Variants in MROH7 observed in about 807,000 individuals in gnomAD.
MROH7 encodes the protein maestro heat-like repeat-containing protein family member 7.
A neutral mutation model predicts 129.2 loss-of-function variants in MROH7; 113 were observed. The ratio of observed to expected loss-of-function variants is 0.87; its 90% CI spans 0.75 to 1.02. The LOEUF (loss-of-function observed/expected upper bound fraction) is 1.02, where lower values mean the gene tolerates loss of function less well. Among genes scored for constraint, MROH7 ranks in the 50% least tolerant of loss-of-function variants. The probability of loss-of-function intolerance (pLI) is 0.00; values close to 1 mark genes in which losing one functional copy is unlikely to be tolerated. For synonymous variants in MROH7, 655 were observed against 667.9 expected, an observed-to-expected ratio of 0.98 and a Z score of 0.30; for missense variants, 1,601 against 1,671.3, an observed-to-expected ratio of 0.96 and a Z score of 0.73.
rs17399810 is a variant in MROH7, at chr1:54,653,861, C to T, written c.935C>T (p.Ser312Phe). ...PGSSYGISLHSSTHEPNSTIS... is the reference protein window; with the variant it reads ...PGSSYGISLHFSTHEPNSTIS... ...TCCAGCTATGGTATCAGCCTGCACT[C>T]CAGCACCCATGAGCCCAACTCCACC... The change falls in exon 3 of 24, where the codon TCC becomes TTC. Residue 312 changes from serine to phenylalanine, a missense_variant. Transcript: ENST00000421030. 350,268 of 1,613,874 alleles carry T rather than the reference C, an allele frequency of 0.22. 40,924 individuals carry two copies. Among genetic ancestry groups the T allele is most frequent in the Non-Finnish European group, 0.25 (290,303 of 1,179,876 alleles).
At chr1:54,667,912 T>C (rs186530162) in intron 4 of MROH7, among the ~76,000 whole-genome samples, 1 of 152,354 alleles carries the variant, frequency 6.6e-6, no homozygotes, top group East Asian at 1.9e-4. Context: ...ACTGCATCAC[T>C]GCATTCCAGC....
At chr1:54,697,646 T>C (rs1307502198) in intron 17 of MROH7, 2 of 703,004 alleles carry the variant, frequency 2.8e-6, no homozygotes, top group Non-Finnish European at 2.6e-6. Context: ...TTCACTAATC[T>C]GCACAGCAAC....
chr1:54,676,849 C>T (rs186678699), intron 10 of MROH7, among the ~76,000 whole-genome samples: 84 of 152,148 alleles, frequency 5.5e-4, no homozygotes, highest in African/African-American at 1.9e-3. Flanking sequence ...GCTGGGATTA[C>T]AGGCATGCAC....
chr1:54,706,320 G>A, intron 21 of MROH7, 115 bp from the exon 22 acceptor site: 1 of 735,994 alleles, frequency 1.4e-6, no homozygotes, highest in South Asian at 1.6e-5. Flanking sequence ...TGCAGAGGGA[G>A]CAGATATATT....
chr1:54,653,636 A>T lies in MROH7; in HGVS notation c.710A>T (p.His237Leu). 6.2e-7 allele frequency: 1 copy of T among 1,613,264 alleles called. No individual in the cohort carries two copies. Among genetic ancestry groups the T allele is most frequent in the South Asian group, 1.1e-5 (1 of 91,054 alleles). The part of the protein sequence containing the change: ...KLNLNVAPDS[H>L]GTLIPDTNET... Reference sequence around the variant, plus strand: ...AACCTGAATGTAGCTCCAGATTCTCATGGGACCCTAATCCCAGACACAAAT... The same window carrying T: ...AACCTGAATGTAGCTCCAGATTCTCTTGGGACCCTAATCCCAGACACAAAT... The change falls in exon 3 of 24, where the codon CAT becomes CTT. Residue 237 changes from histidine to leucine, a missense_variant. Coordinates refer to ENST00000421030, the MANE Select transcript of MROH7 (RefSeq NM_001039464.4).
At chr1:54,689,241 A>G (rs1645196667) in intron 15 of MROH7, among the ~76,000 whole-genome samples, 1 of 152,230 alleles carries the variant, frequency 6.6e-6, no homozygotes, top group Admixed American at 6.5e-5. Context: ...GAGAAGGCTG[A>G]TGAAGACAAA....
At chr1:54,696,049 A>G (rs545630358) in intron 17 of MROH7, among the ~76,000 whole-genome samples, 1 of 152,288 alleles carries the variant, frequency 6.6e-6, no homozygotes, top group South Asian at 2.1e-4. Context: ...GAGACTTGCT[A>G]ATAATAACAG....
At chr1:54,694,607 C>T (rs1293523479) in intron 16 of MROH7, among the ~76,000 whole-genome samples, 1 of 152,190 alleles carries the variant, frequency 6.6e-6, no homozygotes, top group Admixed American at 6.5e-5. Flanking sequence ...GCTAGGATTT[C>T]AGGCATGCGC....
Position 54,692,528 on chromosome 1 carries a change from A to T in MROH7, c.2816A>T (p.Glu939Val). 1 of 1,612,422 alleles carries T rather than the reference A, an allele frequency of 6.2e-7. No homozygotes were observed. The highest frequency in any genetic ancestry group is 1.1e-5 in the South Asian group (1 of 91,032). ...QGGWELMEQVESHHRGVALLA... is the reference protein window; with the variant it reads ...QGGWELMEQVVSHHRGVALLA... Reference sequence around the variant, plus strand: ...GGCTGGGAGCTCATGGAGCAGGTGGAGAGCCACCACCGCGGAGTGGCCTTG... The same window carrying T: ...GGCTGGGAGCTCATGGAGCAGGTGGTGAGCCACCACCGCGGAGTGGCCTTG... The change falls in exon 16 of 24, where the codon GAG becomes GTG. Residue 939 changes from glutamate to valine, a missense_variant. By Grantham distance (121) the Glu-to-Val change is moderately radical. Transcript: ENST00000421030.
chr1:54,678,813 A>G lies in MROH7; in HGVS notation c.2008A>G (p.Asn670Asp), dbSNP rs764464094. ...CAACAAGCATTTCCTGGGGCCCTAC[A>G]ACCCTGTGAGCCCGTGCCAGAACAT... ...ESNKHFLGPYNPVSPCQNILR... is the reference protein window; with the variant it reads ...ESNKHFLGPYDPVSPCQNILR... The change falls in exon 11 of 24, where the codon AAC becomes GAC. Residue 670 changes from asparagine to aspartate, a missense_variant. Transcript: ENST00000421030. The G allele has an allele frequency of 5.6e-6, 9 of 1,613,716 alleles. No homozygotes were observed. The highest frequency in any genetic ancestry group is 7.6e-6 in the Non-Finnish European group (9 of 1,179,910).
intron 15 of MROH7, among the ~76,000 whole-genome samples, chr1:54,688,095 C>T (rs1413606487): frequency 2.6e-5 from 4 of 151,202 alleles, no homozygotes; most frequent in Non-Finnish European, 5.9e-5. Flanking sequence ...TGGTGGGTGC[C>T]TATAATCCCA....
chr1:54,682,355 A>G (rs972295749), intron 13 of MROH7, among the ~76,000 whole-genome samples: 7 of 151,564 alleles, frequency 4.6e-5, no homozygotes, highest in African/African-American at 1.5e-4. Flanking sequence ...ATTAGTAGAG[A>G]CGGGGTTTCA....
rs190971587 is a variant in MROH7, at chr1:54,684,900, T to C, written c.2521-1358T>C. Among the ~76,000 whole-genome samples, 10 of 152,376 alleles carry C rather than the reference T, an allele frequency of 6.6e-5. No homozygotes were observed. The East Asian group carries it at 1.9e-3, about 29-fold the overall frequency. ...AGTGCAAATTAACTGCCATTTATTG[T>C]TCTCATTCAGCCCATGTTAGGTCAC... is the stretch of plus-strand genomic sequence containing the variant. On this transcript the variant is annotated intron_variant, in intron 14 of 23. Coordinates refer to ENST00000421030, the MANE Select transcript of MROH7 (RefSeq NM_001039464.4).
chr1:54,696,153 G>GAT (rs1645318715), intron 17 of MROH7, among the ~76,000 whole-genome samples: 1 of 152,160 alleles, frequency 6.6e-6, no homozygotes, highest in South Asian at 2.1e-4. Flanking sequence ...TTATGACGCA[G>GAT]ATACTATTCC....
chr1:54,671,477 T>C (rs1202295323), intron 7 of MROH7, among the ~76,000 whole-genome samples: 5 of 152,274 alleles, frequency 3.3e-5, no homozygotes, highest in African/African-American at 1.2e-4. Flanking sequence ...CAGATGACGG[T>C]ATGGCCAGGG....
At chr1:54,663,109 T>C (rs549895482) in intron 3 of MROH7, among the ~76,000 whole-genome samples, 62 of 152,300 alleles carry the variant, frequency 4.1e-4, no homozygotes, top group African/African-American at 1.4e-3. Context: ...GAAGTCAATA[T>C]TTACCCCTTT....
chr1:54,654,287 C>T (rs1286030679), intron 3 of MROH7, 130 bp downstream of exon 3: 1 of 907,310 alleles, frequency 1.1e-6, no homozygotes, highest in Non-Finnish European at 1.6e-6. Flanking sequence ...TTTATTAATT[C>T]TATACTAGAC....
chr1:54,678,993 G>T, intron 11 of MROH7, 139 bp downstream of exon 11: 1 of 722,838 alleles, frequency 1.4e-6, no homozygotes, highest in Non-Finnish European at 2.4e-6. Flanking sequence ...TGTCCTGAGT[G>T]CCCTCCTCCT....
chr1:54,670,636 T>G, intron 6 of MROH7, 60 bp downstream of exon 6: 1 of 1,529,898 alleles, frequency 6.5e-7, no homozygotes, highest in Non-Finnish European at 8.9e-7. Flanking sequence ...CACTTCTGCC[T>G]CCCTCCATCT....
Sources: allele counts gnomAD v4.1 joint callset (sites outside exome capture counted in the v4.1 genomes callset), GRCh38; gene constraint gnomAD v4.1.1; transcripts MANE v1.5; gene names NCBI Gene and HGNC (gene_info 2026-07-23, HGNC 2026-07-21).